Variants in KIAA0586 observed in about 807,000 individuals in gnomAD.
KIAA0586 encodes the protein protein TALPID3.
KIAA0586 carries 144 observed loss-of-function variants against 169.8 expected under a neutral mutation model. The ratio of observed to expected loss-of-function variants is 0.85; its 90% confidence interval spans 0.74 to 0.97. The LOEUF is 0.97. Among genes scored for constraint, KIAA0586 ranks in the 50% least tolerant of loss-of-function variants. The pLI is 0.00. For synonymous variants in KIAA0586, 625 were observed against 612.4 expected (o/e 1.02, Z -0.30); for missense variants, 1,854 against 1,823.0 (o/e 1.02, Z -0.31).
At chr14:58,461,430 G>A (rs1172972245) in intron 14 of KIAA0586, among the ~76,000 whole-genome samples, 8 of 151,902 alleles carry the variant, frequency 5.3e-5, no homozygotes, top group African/African-American at 1.9e-4. Context: ...AGGAGAAAAT[G>A]ATTTTTTTTT....
intron 29 of KIAA0586, among the ~76,000 whole-genome samples, chr14:58,528,158 C>G (rs536116403): frequency 1.3e-5 from 2 of 152,312 alleles, no homozygotes; most frequent in East Asian, 3.9e-4. Flanking sequence ...AGCTAACTAT[C>G]CTAAATATAT....
chr14:58,515,519 T>A (rs112480793), intron 29 of KIAA0586, among the ~76,000 whole-genome samples: 260 of 152,240 alleles, frequency 1.7e-3, no homozygotes, highest in African/African-American at 6.1e-3. Context: ...GAATGGTGCA[T>A]TTTTTGCCTT....
intron 29 of KIAA0586, among the ~76,000 whole-genome samples, chr14:58,534,675 A>G (rs2046176183): frequency 6.6e-6 from 1 of 152,252 alleles, no homozygotes; most frequent in Non-Finnish European, 1.5e-5. Context: ...AAAAAATAGA[A>G]AGGAATTCAT....
chr14:58,454,931 G>A (rs552341993), intron 9 of KIAA0586, among the ~76,000 whole-genome samples: 26 of 152,278 alleles, frequency 1.7e-4, no homozygotes, highest in African/African-American at 6.0e-4. Context: ...CTGCCTTTTG[G>A]ACTCTGTGGT....
chr14:58,444,043 A>G lies in KIAA0586; in HGVS notation c.675A>G (p.Thr225=). Residue 225 remains threonine, a synonymous_variant, in exon 6 of 31, where the codon ACA becomes ACG. Coordinates refer to ENST00000652326, the MANE Select transcript of KIAA0586 (RefSeq NM_001329943.3). ...CTGATAAACACCTGCAACGTGTTAC[A>G]GAGCAGCAAACAAGCATTCAGAGGA... The part of the protein sequence containing the change: ...QETDKHLQRV[T]EQQTSIQRKQ... 5 of 1,612,634 alleles carry G rather than the reference A, an allele frequency of 3.1e-6. No homozygotes were observed. The highest frequency in any genetic ancestry group is 3.4e-6 in the Non-Finnish European group (4 of 1,178,908).
intron 27 of KIAA0586, among the ~76,000 whole-genome samples, chr14:58,503,582 A>G (rs779294303): frequency 2.6e-5 from 4 of 152,290 alleles, no homozygotes; most frequent in Admixed American, 2.6e-4. Flanking sequence ...TCTAGTAGAC[A>G]TAGTAGATAA....
chr14:58,456,915 C>A, intron 10 of KIAA0586, 105 bp downstream of exon 10: 1 of 680,476 alleles, frequency 1.5e-6, no homozygotes. Flanking sequence ...GAAGAAAAAG[C>A]ACTGAAAAAG....
chr14:58,429,002 G>T (rs1024317037), intron 1 of KIAA0586, among the ~76,000 whole-genome samples: 11 of 152,312 alleles, frequency 7.2e-5, no homozygotes, highest in Non-Finnish European at 1.6e-4. Context: ...TTGTAATGCT[G>T]TTCTTTGGGG....
At chr14:58,537,085 G>A (rs1479443589) in intron 29 of KIAA0586, 2 of 1,236,698 alleles carry the variant, frequency 1.6e-6, no homozygotes, top group Admixed American at 2.7e-5. Flanking sequence ...CCTAGTTGTA[G>A]GCCGTGTTTG....
chr14:58,461,108 T>C lies in KIAA0586; in HGVS notation c.2007T>C (p.Ser669=). 1 of 1,611,470 alleles carries C rather than the reference T, an allele frequency of 6.2e-7. No homozygotes were observed. Among genetic ancestry groups the C allele is most frequent in the South Asian group, 1.1e-5 (1 of 90,540 alleles). Residue 669 remains serine, a synonymous_variant, in exon 14 of 31, where the codon TCT becomes TCC. Transcript: ENST00000652326. The part of the protein sequence containing the change: ...LKKGPYLRFN[S]PSPKSRPQRP... ...AAGGACCATATCTCAGATTTAATTC[T>C]CCATCTCCTAAGTCCAGACCACAGA...
chr14:58,542,444 T>C (rs1326781983), intron 30 of KIAA0586, among the ~76,000 whole-genome samples: 1 of 150,628 alleles, frequency 6.6e-6, no homozygotes, highest in Non-Finnish European at 1.5e-5. Context: ...GCCATTGCAC[T>C]CCAGCCTGGG....
chr14:58,470,701 C>T lies in KIAA0586; in HGVS notation c.2531C>T (p.Pro844Leu). 1.9e-6 allele frequency: 3 copies of T among 1,583,612 alleles called. No homozygotes were observed. The highest frequency in any genetic ancestry group is 1.7e-4 in the Middle Eastern group (1 of 5,996). Residue 844 changes from proline (P) to leucine (L), a missense_variant, in exon 17 of 31, where the codon CCT becomes CTT. Transcript: ENST00000652326. ...PLSSPKEASL[P>L]PVQTWIKTPE... Reference sequence around the variant, plus strand: ...TCTAGCCCCAAAGAAGCATCTCTTCCTCCTGTGCAAACTTGGATAAAGGTA... The same window carrying T: ...TCTAGCCCCAAAGAAGCATCTCTTCTTCCTGTGCAAACTTGGATAAAGGTA...
intron 12 of KIAA0586, among the ~76,000 whole-genome samples, chr14:58,458,990 G>T (rs2040102647): frequency 6.6e-6 from 1 of 152,110 alleles, no homozygotes; most frequent in Admixed American, 6.6e-5. Context: ...ACCACAATGG[G>T]CATGGTACAT....
In KIAA0586 at chr14:58,441,594, CAATT is replaced by C. The variant is rs34460329; in HGVS notation, c.411-1111_411-1108del. On this transcript the variant is annotated intron_variant, in intron 4 of 30. Transcript: ENST00000652326. ...CTTGTCTGAAGGTAATAAGTTATCT[CAATT>C]GATTGTTCACAGTCAGTTACAGACC... Among the ~76,000 whole-genome samples the C allele has an allele frequency of 5.2e-3, 785 of 152,174 alleles. 2 individuals are homozygous for C. The highest frequency in any genetic ancestry group is 0.024 in the Middle Eastern group (7 of 294).
At chr14:58,464,012 G>A in intron 14 of KIAA0586, 1 of 453,318 alleles carries the variant, frequency 2.2e-6, no homozygotes, top group African/African-American at 2.0e-5. Flanking sequence ...GCAGATGCAA[G>A]ATAAATTTCA....
intron 4 of KIAA0586, among the ~76,000 whole-genome samples, chr14:58,436,304 T>A (rs1032752216): frequency 2.6e-5 from 4 of 152,012 alleles, no homozygotes; most frequent in African/African-American, 4.8e-5. Context: ...CTCAGCATAT[T>A]ATTCAATAAT....
Position 58,467,872 on chromosome 14 carries a change from A to G in KIAA0586, c.2392A>G (p.Ile798Val). ...TGGAGTAAAGAAACCTAACATAGCC[A>G]TTGTAGAAATGAAGTCAGAAAAAAA... is the stretch of plus-strand genomic sequence containing the variant. ...ETGVKKPNIA[I>V]VEMKSEKKDP... Residue 798 changes from isoleucine (I) to valine (V), a missense_variant, in exon 16 of 31, where the codon ATT (isoleucine) becomes GTT (valine). Transcript: ENST00000652326. 6.2e-7 allele frequency: 1 copy of G among 1,613,776 alleles called. No homozygotes were observed. The highest frequency in any genetic ancestry group is 8.5e-7 in the Non-Finnish European group (1 of 1,179,740).
chr14:58,472,229 G>A lies in KIAA0586; in HGVS notation c.2584G>A (p.Glu862Lys), dbSNP rs372915104. 2 of 1,587,574 alleles carry A rather than the reference G, an allele frequency of 1.3e-6. No homozygotes were observed. The highest frequency in any genetic ancestry group is 2.7e-5 in the African/African-American group (2 of 73,846). ...AGAAATTATGAAGGTAGATGAAGAA[G>A]AGGTGAAGTTTCCAGGAACTAACTT... ...TPEIMKVDEE[E>K]VKFPGTNFDE... The change falls in exon 18 of 31, where the codon GAG (glutamate) becomes AAG (lysine). Residue 862 changes from glutamate (E) to lysine (K), a missense_variant. Coordinates refer to ENST00000652326, the MANE Select transcript of KIAA0586 (RefSeq NM_001329943.3).
intron 29 of KIAA0586, among the ~76,000 whole-genome samples, chr14:58,538,714 C>G (rs1173564076): frequency 6.6e-6 from 1 of 151,570 alleles, no homozygotes; most frequent in African/African-American, 2.4e-5. Context: ...ATTCCCACTT[C>G]CCTTCCGCTC....
Sources: allele counts gnomAD v4.1 joint callset (sites outside exome capture counted in the v4.1 genomes callset), GRCh38; gene constraint gnomAD v4.1.1; transcripts MANE v1.5; gene names NCBI Gene and HGNC (gene_info 2026-07-23, HGNC 2026-07-21).